PHACTR1: variants seen among roughly 807,000 people sequenced by gnomAD.
PHACTR1 encodes RPEL repeat containing 1.
PHACTR1 carries 16 observed loss-of-function variants against 69.2 expected under a neutral mutation model. The ratio of observed to expected loss-of-function variants is 0.23; its 90% confidence interval spans 0.16 to 0.35. PHACTR1 has a LOEUF of 0.35. Ranked by LOEUF, PHACTR1 falls within the 10% of genes least tolerant of loss-of-function variation. PHACTR1 has a pLI of 1.00. For missense variants in PHACTR1, 510 were observed against 734.7 expected (o/e 0.69, Z 3.54); for synonymous variants, 312 against 284.5 (o/e 1.10, Z -0.97).
intron 7 of PHACTR1, among the ~76,000 whole-genome samples, chr6:13,198,909 G>T: frequency 1.3e-5 from 2 of 152,240 alleles, no homozygotes; most frequent in Middle Eastern, 6.8e-3. Flanking sequence ...GTGCCTCTTT[G>T]CCTGATGAGA....
chr6:13,003,667 C>A (rs954908681), intron 4 of PHACTR1, among the ~76,000 whole-genome samples: 2 of 151,724 alleles, frequency 1.3e-5, no homozygotes, highest in African/African-American at 2.4e-5. Context: ...GAAGCCTGGC[C>A]TTTGAGTGTA....
rs186391378 is a variant in PHACTR1, at chr6:12,972,024, C to T, written c.251-81341C>T. 3.3e-5 allele frequency among the ~76,000 whole-genome samples: 5 copies of T among 151,800 alleles called. No homozygotes were observed. In the East Asian group the frequency reaches 9.7e-4, roughly 30 times the overall value. ...GTATAAGAAACACTGTGTAGAGACT[C>T]GTTACGCAAATTATTTCATTTAAAC... On this transcript the variant is annotated intron_variant, in intron 4 of 14. Transcript: ENST00000332995.
chr6:12,887,237 C>G (rs1330043927), intron 4 of PHACTR1, among the ~76,000 whole-genome samples: 1 of 152,198 alleles, frequency 6.6e-6, no homozygotes, highest in African/African-American at 2.4e-5. Context: ...CTCGGGGAAT[C>G]CTCTGCTCCT....
chr6:13,224,462 T>G (rs1769237482), intron 8 of PHACTR1, among the ~76,000 whole-genome samples: 2 of 152,192 alleles, frequency 1.3e-5, no homozygotes, highest in Admixed American at 1.3e-4. Context: ...GGTTAATAAT[T>G]TGGGCCAAAT....
rs1214027223 is a variant in PHACTR1 at position 12,931,900 on chromosome 6, A to G, written c.251-121465A>G. On this transcript the variant is annotated intron_variant, in intron 4 of 14. Coordinates refer to ENST00000332995, the MANE Select transcript of PHACTR1 (RefSeq NM_030948.6). ...ACCTTGGTACTCAGATTTCACTCAG[A>G]TAGTAAGAGTCTTCCACTCTCAGCA... is the stretch of plus-strand genomic sequence containing the variant. Among the ~76,000 whole-genome samples the G allele has an allele frequency of 2.0e-5, 3 of 151,972 alleles. 1 individual carries two copies. The East Asian group carries it at 5.8e-4, about 29-fold the overall frequency.
At chr6:12,798,009 CTT>C (rs1773251985) in intron 4 of PHACTR1, among the ~76,000 whole-genome samples, 1 of 148,012 alleles carries the variant, frequency 6.8e-6, no homozygotes, top group East Asian at 2.0e-4. Flanking sequence ...TGGTTATTTT[CTT>C]GGACTGTCAA....
chr6:12,730,680 T>C (rs971994345), intron 3 of PHACTR1, among the ~76,000 whole-genome samples: 2 of 152,228 alleles, frequency 1.3e-5, no homozygotes, highest in African/African-American at 4.8e-5. Flanking sequence ...GGGTTTGTTG[T>C]ACAGATTATT....
At chr6:12,823,088 A>C (rs1210473243) in intron 4 of PHACTR1, among the ~76,000 whole-genome samples, 1 of 152,300 alleles carries the variant, frequency 6.6e-6, no homozygotes, top group East Asian at 1.9e-4. Context: ...AAAATTGCAA[A>C]ACCTAATTTT....
At chr6:13,036,160 G>T (rs1046267200) in intron 4 of PHACTR1, among the ~76,000 whole-genome samples, 1 of 151,024 alleles carries the variant, frequency 6.6e-6, no homozygotes, top group Admixed American at 6.6e-5. Flanking sequence ...CTGAAGAAAA[G>T]AAAATTATAG....
At chr6:12,782,230 C>T (rs890087177) in intron 4 of PHACTR1, among the ~76,000 whole-genome samples, 9 of 152,112 alleles carry the variant, frequency 5.9e-5, no homozygotes, top group African/African-American at 9.7e-5. Flanking sequence ...AGTCAGGTGC[C>T]GCTTCTTGAT....
intron 4 of PHACTR1, among the ~76,000 whole-genome samples, chr6:12,839,667 A>G (rs1048013093): frequency 6.6e-6 from 1 of 152,168 alleles, no homozygotes; most frequent in Non-Finnish European, 1.5e-5. Context: ...GAAACAGGAT[A>G]CTGGTCACCA....
At chr6:13,267,795 A>G (rs1265904311) in intron 10 of PHACTR1, 2 of 146,542 alleles carry the variant, frequency 1.4e-5, no homozygotes, top group Non-Finnish European at 3.0e-5. Context: ...GATCTCAGCC[A>G]GCGTCTCAAA....
intron 4 of PHACTR1, among the ~76,000 whole-genome samples, chr6:12,972,739 C>T (rs1018358540): frequency 2.0e-5 from 3 of 151,764 alleles, no homozygotes; most frequent in Non-Finnish European, 4.4e-5. Flanking sequence ...GCAACCTCCA[C>T]CTCCTGGGTT....
intron 5 of PHACTR1, among the ~76,000 whole-genome samples, chr6:13,086,922 A>G (rs991101306): frequency 4.6e-5 from 7 of 152,026 alleles, no homozygotes; most frequent in African/African-American, 1.4e-4. Context: ...TATTCTTGTC[A>G]ACACTTGGTA....
At chr6:13,043,374 C>CGG (rs1804493344) in intron 4 of PHACTR1, among the ~76,000 whole-genome samples, 1 of 151,508 alleles carries the variant, frequency 6.6e-6, no homozygotes, top group Non-Finnish European at 1.5e-5. Context: ...TTGCAGTGAA[C>CGG]GGAGATAGAG....
In PHACTR1 at chr6:13,133,245, T is replaced by TCCCTC. The variant is rs1561876517; in HGVS notation, c.416-26959_416-26958insCCCTC. Among the ~76,000 whole-genome samples, 18 of 54,982 alleles carry TCCCTC rather than the reference T, an allele frequency of 3.3e-4. 1 individual carries two copies. Among genetic ancestry groups the TCCCTC allele is most frequent in the African/African-American group, 1.0e-3 (11 of 10,982 alleles). 36.1% of individuals were successfully genotyped at this position (54,982 alleles called of 152,430 possible). A position where few individuals can be genotyped will look rare whatever the true frequency, so the allele number is the denominator to read the frequency against. ...TCCCCCTCCCCCTCTCCCTCTCCCT[T>TCCCTC]TCCCTCTCCCTCTCCCCACAGTCTC... On this transcript the variant is annotated intron_variant, in intron 5 of 14. Transcript: ENST00000332995.
At chr6:12,775,100 G>A (rs989686990) in intron 4 of PHACTR1, among the ~76,000 whole-genome samples, 14 of 152,094 alleles carry the variant, frequency 9.2e-5, no homozygotes, top group Admixed American at 7.9e-4. Flanking sequence ...AAGTTTCAGT[G>A]CCCTTACTGT....
At chr6:12,782,409 G>A (rs1770958840) in intron 4 of PHACTR1, among the ~76,000 whole-genome samples, 1 of 152,168 alleles carries the variant, frequency 6.6e-6, no homozygotes, top group African/African-American at 2.4e-5. Flanking sequence ...TATAATGTCA[G>A]GCCATAAGGA....
At chr6:12,933,168 T>C (rs1355835552) in intron 4 of PHACTR1, among the ~76,000 whole-genome samples, 2 of 152,056 alleles carry the variant, frequency 1.3e-5, no homozygotes, top group African/African-American at 4.8e-5. Context: ...ACCCCGGACC[T>C]CAGGTTATCC....
Sources: allele counts gnomAD v4.1 joint callset (sites outside exome capture counted in the v4.1 genomes callset), GRCh38; gene constraint gnomAD v4.1.1; transcripts MANE v1.5; gene names NCBI Gene and HGNC (gene_info 2026-07-23, HGNC 2026-07-21).